CEP128: variants seen among roughly 807,000 people sequenced by gnomAD.
CEP128 encodes centrosomal protein 128, also known as centrosomal protein 128kDa.
A neutral mutation model predicts 156.7 loss-of-function variants in CEP128; 132 were observed. That is an observed-to-expected ratio of 0.84 (90% confidence interval 0.73 to 0.97). The LOEUF (loss-of-function observed/expected upper bound fraction) is 0.97. CEP128 is among the 50% of genes least tolerant of loss of function. CEP128 has a pLI of 0.00. For missense variants in CEP128, 1,252 were observed against 1,281.9 expected (o/e 0.98, Z 0.36); for synonymous variants, 469 against 448.9 (o/e 1.04, Z -0.57).
At chr14:80,790,768 T>C (rs986102826) in intron 14 of CEP128, among the ~76,000 whole-genome samples, 7 of 151,822 alleles carry the variant, frequency 4.6e-5, no homozygotes, top group Admixed American at 2.6e-4. Flanking sequence ...ATTTTTTAAG[T>C]AACAAATCTT....
At chr14:80,676,817 T>C (rs1049613894) in intron 19 of CEP128, among the ~76,000 whole-genome samples, 2 of 152,214 alleles carry the variant, frequency 1.3e-5, no homozygotes, top group African/African-American at 2.4e-5. Flanking sequence ...TTAATTAATG[T>C]GGTAAATAAC....
chr14:80,760,039 T>C (rs559598415), intron 17 of CEP128, among the ~76,000 whole-genome samples: 1 of 152,108 alleles, frequency 6.6e-6, no homozygotes, highest in South Asian at 2.1e-4. Context: ...AGAATAAATA[T>C]TGCATTGCTA....
intron 24 of CEP128, among the ~76,000 whole-genome samples, chr14:80,501,680 G>A (rs1887742737): frequency 6.6e-6 from 1 of 151,380 alleles, no homozygotes; most frequent in Non-Finnish European, 1.5e-5. Context: ...TATTTTTTGT[G>A]TTTTTAGTAG....
At chr14:80,570,225 C>T (rs8005988) in intron 20 of CEP128, among the ~76,000 whole-genome samples, 86,091 of 151,852 alleles carry the variant, frequency 0.57, 24,715 homozygotes, top group East Asian at 0.72. Flanking sequence ...TCAAGTGATT[C>T]CCCTGCCTCA....
chr14:80,546,821 A>G (rs890921786), intron 21 of CEP128, among the ~76,000 whole-genome samples: 19 of 152,162 alleles, frequency 1.2e-4, no homozygotes, highest in African/African-American at 4.6e-4. Context: ...GAGAATAACA[A>G]TGGACAGGCT....
At chr14:80,645,990 T>G (rs7144975) in intron 19 of CEP128, among the ~76,000 whole-genome samples, 66,874 of 152,044 alleles carry the variant, frequency 0.44, 18,039 homozygotes, top group Non-Finnish European at 0.58. Flanking sequence ...TGTATGATAT[T>G]TAGAAAAGGC....
In CEP128 at chr14:80,536,967, T is replaced by C. The variant is rs554303839; in HGVS notation, c.2881-6081A>G. On this transcript the variant is annotated intron_variant, in intron 21 of 24. Coordinates refer to ENST00000555265, the MANE Select transcript of CEP128 (RefSeq NM_152446.5). ...TGCTTGTTAAGTTAACATGGCACTA[T>C]GACATCAGTGTCTACATTTGGGCTA... 2.4e-4 allele frequency among the ~76,000 whole-genome samples: 36 copies of C among 152,360 alleles called. No homozygotes were observed. In the South Asian group the frequency reaches 6.2e-3, roughly 26 times the overall value.
At chr14:80,655,299 G>C (rs1314055689) in intron 19 of CEP128, among the ~76,000 whole-genome samples, 1 of 152,002 alleles carries the variant, frequency 6.6e-6, no homozygotes, top group African/African-American at 2.4e-5. Context: ...GTTGCTGCCA[G>C]AGTGACCTTA....
chr14:80,928,504 C>G (rs971637790), intron 2 of CEP128, among the ~76,000 whole-genome samples: 1 of 151,814 alleles, frequency 6.6e-6, no homozygotes, highest in African/African-American at 2.4e-5. Context: ...CAAAATGCAG[C>G]GAAAAATCTT....
At chr14:80,792,686 G>GTTT in intron 14 of CEP128, 74 bp downstream of exon 14, 1 of 1,221,360 alleles carries the variant, frequency 8.2e-7, no homozygotes, top group Non-Finnish European at 1.2e-6. Flanking sequence ...GCACTCAAGT[G>GTTT]TTTTTTCAAA....
intron 17 of CEP128, among the ~76,000 whole-genome samples, chr14:80,757,990 T>G (rs571119304): frequency 1.3e-5 from 2 of 152,234 alleles, no homozygotes; most frequent in Non-Finnish European, 2.9e-5. Context: ...TTCCTTCCTC[T>G]TCCAGTTCTC....
intron 2 of CEP128, among the ~76,000 whole-genome samples, chr14:80,932,446 A>C (rs186152941): frequency 1.3e-5 from 2 of 152,206 alleles, no homozygotes; most frequent in Non-Finnish European, 2.9e-5. Context: ...TCAAACCTCT[A>C]TATGTTCTGG....
At chr14:80,740,103 T>G (rs1341171770) in intron 19 of CEP128, among the ~76,000 whole-genome samples, 2 of 152,142 alleles carry the variant, frequency 1.3e-5, no homozygotes, top group African/African-American at 2.4e-5. Context: ...GAGTGATTTT[T>G]TTTTTCACTA....
intron 14 of CEP128, among the ~76,000 whole-genome samples, chr14:80,481,810 T>C (rs949290734): frequency 2.0e-5 from 3 of 152,256 alleles, no homozygotes; most frequent in Non-Finnish European, 4.4e-5. Context: ...TTTAGATGTA[T>C]GTGATCCTAG....
chr14:80,617,891 T>C (rs995510031), intron 19 of CEP128, among the ~76,000 whole-genome samples: 1 of 152,262 alleles, frequency 6.6e-6, no homozygotes, highest in African/African-American at 2.4e-5. Flanking sequence ...ATAAGCTCTA[T>C]CGGGCTGCAT....
chr14:80,741,994 G>C (rs1898856195), intron 19 of CEP128, among the ~76,000 whole-genome samples: 1 of 152,062 alleles, frequency 6.6e-6, no homozygotes, highest in African/African-American at 2.4e-5. Context: ...TCCCCACAGG[G>C]ACCTCAGCAG....
At chr14:80,751,850 C>T (rs1469084826) in intron 18 of CEP128, among the ~76,000 whole-genome samples, 1 of 152,036 alleles carries the variant, frequency 6.6e-6, no homozygotes, top group South Asian at 2.1e-4. Context: ...AGGCTGGTCT[C>T]GAACTCCCAA....
chr14:80,742,014 A>T (rs1042105459), intron 19 of CEP128, among the ~76,000 whole-genome samples: 6 of 152,214 alleles, frequency 3.9e-5, no homozygotes, highest in Non-Finnish European at 5.9e-5. Flanking sequence ...GAAGTAATCA[A>T]AACTCTTTTT....
At chr14:80,582,426 A>G (rs948238397) in intron 19 of CEP128, among the ~76,000 whole-genome samples, 6 of 151,560 alleles carry the variant, frequency 4.0e-5, no homozygotes, top group Non-Finnish European at 5.9e-5. Context: ...GAAGGCAATA[A>G]CAACTAGAGC....
Sources: gnomAD v4.1 joint callset for allele counts (sites outside exome capture counted in the v4.1 genomes callset) on GRCh38, gnomAD v4.1.1 for gene constraint, MANE v1.5 for transcripts, NCBI Gene and HGNC (gene_info 2026-07-23, HGNC 2026-07-21) for gene names.